SLC8A2: variants seen among roughly 807,000 people sequenced by gnomAD.
The protein encoded by SLC8A2 is solute carrier family 8 member A2.
Under a neutral mutation model 70.2 loss-of-function variants are expected in SLC8A2, and 14 were observed. That is an observed-to-expected ratio of 0.20 (90% CI 0.13 to 0.31). The LOEUF (loss-of-function observed/expected upper bound fraction) is 0.31, where lower values mean the gene tolerates loss of function less well. Ranked by LOEUF, SLC8A2 falls within the 10% of genes least tolerant of loss-of-function variation. SLC8A2 has a pLI of 1.00. For synonymous variants in SLC8A2, 575 were observed against 594.3 expected (o/e 0.97, Z 0.47); for missense variants, 779 against 1,320.1 (o/e 0.59, Z 6.35).
At chr19:47,443,695 G>A (rs943791537) in intron 4 of SLC8A2, among the ~76,000 whole-genome samples, 2 of 152,146 alleles carry the variant, frequency 1.3e-5, no homozygotes, top group African/African-American at 4.8e-5. Flanking sequence ...AACTCCTGAC[G>A]CCTCTTGGTG....
intron 3 of SLC8A2, among the ~76,000 whole-genome samples, chr19:47,455,513 G>A (rs1256385942): frequency 2.0e-5 from 3 of 152,118 alleles, no homozygotes; most frequent in African/African-American, 7.2e-5. Flanking sequence ...ACTAGTCGCC[G>A]GTGCCAGATC....
rs1200390384 is a variant in SLC8A2, at chr19:47,441,455, AG to A, written c.1764-16del. 1.1e-5 allele frequency: 16 copies of A among 1,501,714 alleles called. No homozygotes were observed. The highest frequency in any genetic ancestry group is 3.5e-5 in the Admixed American group (2 of 57,274). 93.0% of individuals were successfully genotyped at this position (1,501,714 alleles called of 1,614,324 possible). A position where few individuals can be genotyped will look rare whatever the true frequency, so the allele number is the denominator to read the frequency against. ...GAAGAGTTTTCCTGTGCAGGGGGTA[AG>A]GGGGAGGCAGAACACTCAGTGTAAG... On this transcript the variant is annotated splice_polypyrimidine_tract_variant and intron_variant, in intron 4 of 9. Coordinates refer to ENST00000236877, the MANE Select transcript of SLC8A2 (RefSeq NM_015063.3).
chr19:47,438,084 G>A (rs1599845909), intron 6 of SLC8A2, 111 bp from the exon 7 acceptor site: 2 of 1,398,700 alleles, frequency 1.4e-6, no homozygotes, highest in Non-Finnish European at 2.0e-6. Context: ...TTCTCCTCTG[G>A]GAAGCTCCTT....
chr19:47,469,892 C>T (rs1197793517), intron 1 of SLC8A2, among the ~76,000 whole-genome samples: 1 of 152,236 alleles, frequency 6.6e-6, no homozygotes, highest in Admixed American at 6.5e-5. Flanking sequence ...CAGTGAGCAC[C>T]CCTGTTCTGC....
intron 4 of SLC8A2, among the ~76,000 whole-genome samples, chr19:47,446,740 A>C (rs1009705762): frequency 6.6e-6 from 1 of 152,120 alleles, no homozygotes; most frequent in Non-Finnish European, 1.5e-5. Context: ...GAGTCTTGCT[A>C]TGTTGCCCAG....
chr19:47,444,459 GC>G (rs1967135339), intron 4 of SLC8A2, among the ~76,000 whole-genome samples: 1 of 152,148 alleles, frequency 6.6e-6, no homozygotes, highest in Non-Finnish European at 1.5e-5. Context: ...GAAAGAAAGG[GC>G]CGCCCCCGAC....
At chr19:47,470,546 G>A (rs1951085369) in intron 1 of SLC8A2, among the ~76,000 whole-genome samples, 1 of 152,188 alleles carries the variant, frequency 6.6e-6, no homozygotes, top group South Asian at 2.1e-4. Flanking sequence ...CACCAGGAAA[G>A]GGATGGAAGT....
At chr19:47,437,683 G>T (rs1314104465) in intron 7 of SLC8A2, 122 bp from the exon 8 acceptor site, 12 of 1,149,598 alleles carry the variant, frequency 1.0e-5, no homozygotes, top group Non-Finnish European at 1.6e-5. Context: ...CCACACCCCC[G>T]TTCTGAAGGC....
intron 4 of SLC8A2, among the ~76,000 whole-genome samples, chr19:47,443,690 C>T (rs1967125929): frequency 6.6e-6 from 1 of 152,230 alleles, no homozygotes; most frequent in Non-Finnish European, 1.5e-5. Flanking sequence ...TATCTAACTC[C>T]TGACGCCTCT....
chr19:47,467,077 T>C (rs568335143), intron 1 of SLC8A2, among the ~76,000 whole-genome samples: 1 of 152,196 alleles, frequency 6.6e-6, no homozygotes, highest in East Asian at 1.9e-4. Flanking sequence ...AGAATGTTCA[T>C]AGCAGCTTTA....
At chr19:47,462,734 C>T (rs940783954) in intron 2 of SLC8A2, among the ~76,000 whole-genome samples, 3 of 151,578 alleles carry the variant, frequency 2.0e-5, no homozygotes, top group South Asian at 4.2e-4. Context: ...ATTACAGGCG[C>T]CTGCCACCAT....
At position 47,447,972 on chromosome 19, in the gene SLC8A2, C is replaced by T; in HGVS notation, c.1600G>A (p.Val534Met). The T allele has an allele frequency of 6.4e-7, 1 of 1,561,402 alleles. No homozygotes were observed. Among genetic ancestry groups the T allele is most frequent in the Non-Finnish European group, 8.7e-7 (1 of 1,152,832 alleles). ...TCCACGGTGCCCATGCACTCGCTCA[C>T]GTGCAGCAGGCGGTCCTGGAAGGAG... ...IFSFQDRLLH[V>M]SECMGTVDVR... The change falls in exon 4 of 10, where the codon GTG (valine) becomes ATG (methionine). Residue 534 changes from valine (V) to methionine (M), a missense_variant. Physicochemically the swap from Val to Met is conservative, Grantham distance 21. This residue lies in a region of SLC8A2 where 247 missense variants were observed against 362.8 expected (regional missense o/e 0.68). Transcript: ENST00000236877. The surrounding 1 kb of genome is among the most constrained non-coding windows in gnomAD (Gnocchi z 5.1).
At chr19:47,439,382 A>T (rs989753324) in intron 6 of SLC8A2, among the ~76,000 whole-genome samples, 3 of 152,032 alleles carry the variant, frequency 2.0e-5, no homozygotes, top group African/African-American at 7.2e-5. Context: ...TACAAAAAAA[A>T]TTAGCTAGGT....
chr19:47,447,603 A>G lies in SLC8A2; in HGVS notation c.1763+206T>C, dbSNP rs59161751. Reference sequence around the variant, plus strand: ...TCTCCTCCTGAGGGCCCAGCTGTTCAGTGAAGCCCCGCCCACGTCGTGGGC... The same window carrying G: ...TCTCCTCCTGAGGGCCCAGCTGTTCGGTGAAGCCCCGCCCACGTCGTGGGC... On this transcript the variant is annotated intron_variant, in intron 4 of 9. Coordinates refer to ENST00000236877, the MANE Select transcript of SLC8A2 (RefSeq NM_015063.3). The surrounding 1 kb of genome is among the most constrained non-coding windows in gnomAD (Gnocchi z 5.1). 0.011 allele frequency: 5,810 copies of G among 535,494 alleles called. 277 individuals carry two copies. The African/African-American group carries it at 0.11, about 11-fold the overall frequency. 33.2% of individuals were successfully genotyped at this position (535,494 alleles called of 1,614,324 possible).
intron 8 of SLC8A2, among the ~76,000 whole-genome samples, chr19:47,436,139 C>T (rs830156): frequency 0.1 from 15,537 of 152,208 alleles, 861 homozygotes; most frequent in Middle Eastern, 0.16. Flanking sequence ...CTGCCTGAAA[C>T]ACTCTCCCTG....
chr19:47,439,346 G>A (rs961817399), intron 6 of SLC8A2, among the ~76,000 whole-genome samples: 5 of 152,084 alleles, frequency 3.3e-5, no homozygotes, highest in African/African-American at 1.2e-4. Flanking sequence ...TGGCCAACAT[G>A]GTGAAACCCC....
At chr19:47,438,869 C>A (rs1339896298) in intron 6 of SLC8A2, among the ~76,000 whole-genome samples, 1 of 152,206 alleles carries the variant, frequency 6.6e-6, no homozygotes, top group Non-Finnish European at 1.5e-5. Flanking sequence ...TCAGTCCCAA[C>A]TCCCAACTCT....
At chr19:47,445,717 C>T (rs1030772595) in intron 4 of SLC8A2, among the ~76,000 whole-genome samples, 3 of 152,022 alleles carry the variant, frequency 2.0e-5, no homozygotes, top group African/African-American at 7.2e-5. Context: ...CAGAGGGTGT[C>T]CCAGCCTGGG....
rs145502815 is a variant in SLC8A2 at position 47,458,310 on chromosome 19, C to A, written c.676-716G>T. Among the ~76,000 whole-genome samples the A allele has an allele frequency of 2.6e-3, 311 of 121,068 alleles. 1 individual carries two copies. The highest frequency in any genetic ancestry group is 9.6e-3 in the African/African-American group (303 of 31,622). The allele number at this position is 121,068 out of a possible 152,430, so 79.4% of individuals were successfully genotyped here. ...CTCCCTCTTCTTTCCCCATCTCTCT[C>A]CATCTCAATCTCTGTTCATCTCTGC... On this transcript the variant is annotated intron_variant, in intron 2 of 9. Coordinates refer to ENST00000236877, the MANE Select transcript of SLC8A2 (RefSeq NM_015063.3).
Sources: allele counts gnomAD v4.1 joint callset (sites outside exome capture counted in the v4.1 genomes callset), GRCh38; gene constraint gnomAD v4.1.1; regional missense constraint gnomAD v4.1.1; non-coding constraint Gnocchi (gnomAD v3.1); transcripts MANE v1.5; gene names NCBI Gene and HGNC (gene_info 2026-07-23, HGNC 2026-07-21).